MAF: variants seen among roughly 807,000 people sequenced by gnomAD.
The protein encoded by MAF is transcription factor Maf.
Under a neutral mutation model 22.0 loss-of-function variants are expected in MAF, and 10 were observed. That is an observed-to-expected ratio of 0.45 (90% CI 0.28 to 0.77). The LOEUF (loss-of-function observed/expected upper bound fraction) is 0.77, where lower values mean the gene tolerates loss of function less well. Ranked by LOEUF, MAF falls within the 30% of genes least tolerant of loss-of-function variation. The pLI is 0.12. For missense variants in MAF, 544 were observed against 548.4 expected, an observed-to-expected ratio of 0.99 and a Z score of 0.08; for synonymous variants, 337 against 255.8, an observed-to-expected ratio of 1.32 and a Z score of -3.03.
At chr16:79,365,418 G>A in the MAF span, among the ~76,000 whole-genome samples, 2 of 152,290 alleles carry the variant, frequency 1.3e-5, no homozygotes, top group Non-Finnish European at 2.9e-5. Context: ...GATGTTTACT[G>A]ATGAATTTCT....
chr16:79,411,561 G>A, the MAF span, among the ~76,000 whole-genome samples: 10 of 152,248 alleles, frequency 6.6e-5, no homozygotes, highest in African/African-American at 2.4e-4. Flanking sequence ...ATCTAAGTCT[G>A]GTGACTTTTG....
chr16:79,565,794 T>G, the MAF span, among the ~76,000 whole-genome samples: 1 of 152,216 alleles, frequency 6.6e-6, no homozygotes, highest in South Asian at 2.1e-4. Context: ...CTGATAAACT[T>G]AGCAGGCTCA....
At chr16:79,325,763 C>G in the MAF span, among the ~76,000 whole-genome samples, 1 of 152,202 alleles carries the variant, frequency 6.6e-6, no homozygotes, top group Non-Finnish European at 1.5e-5. Context: ...CAGTTCTTCA[C>G]TAGCTTTTGT....
At chr16:79,403,478 C>G in the MAF span, among the ~76,000 whole-genome samples, 1 of 152,154 alleles carries the variant, frequency 6.6e-6, no homozygotes, top group Non-Finnish European at 1.5e-5. Flanking sequence ...AGTGCCCGCC[C>G]CTCACTTCCC....
chr16:79,359,563 C>T, the MAF span, among the ~76,000 whole-genome samples: 6 of 152,166 alleles, frequency 3.9e-5, no homozygotes, highest in Non-Finnish European at 8.8e-5. Flanking sequence ...AAGCCAGCCC[C>T]AATTGCTGTT....
the MAF span, among the ~76,000 whole-genome samples, chr16:79,343,180 C>G: frequency 5.3e-5 from 8 of 152,074 alleles, no homozygotes; most frequent in Admixed American, 3.3e-4. Context: ...TAAATGTGTC[C>G]TGGTGCCACA....
At chr16:79,377,733 G>C in the MAF span, among the ~76,000 whole-genome samples, 3 of 152,138 alleles carry the variant, frequency 2.0e-5, no homozygotes, top group Non-Finnish European at 4.4e-5. Flanking sequence ...TCGAGTTTCA[G>C]CTTTCTACAT....
chr16:79,488,835 G>A, the MAF span, among the ~76,000 whole-genome samples: 101 of 152,218 alleles, frequency 6.6e-4, no homozygotes, highest in East Asian at 0.011. Flanking sequence ...TCCCTTGAAC[G>A]TCACCTCAAT....
At chr16:79,434,730 T>C in the MAF span, among the ~76,000 whole-genome samples, 5 of 152,084 alleles carry the variant, frequency 3.3e-5, no homozygotes, top group Non-Finnish European at 5.9e-5. Context: ...TTTTATTTCC[T>C]ATTAAAGATT....
At chr16:79,210,848 G>A in the MAF span, among the ~76,000 whole-genome samples, 1 of 152,166 alleles carries the variant, frequency 6.6e-6, no homozygotes, top group Non-Finnish European at 1.5e-5. Context: ...CTCAAAAGGT[G>A]AATGAAAGTG....
At chr16:79,555,350 G>C in the MAF span, among the ~76,000 whole-genome samples, 28 of 152,286 alleles carry the variant, frequency 1.8e-4, no homozygotes, top group Admixed American at 7.2e-4. Context: ...TGAAGTGTCA[G>C]GAATGCATTC....
the MAF span, among the ~76,000 whole-genome samples, chr16:79,435,501 T>C: frequency 1.3e-5 from 2 of 152,342 alleles, no homozygotes; most frequent in East Asian, 3.9e-4. Context: ...CAAGACTTCA[T>C]GTACATTCAG....
the MAF span, among the ~76,000 whole-genome samples, chr16:79,440,512 T>A: frequency 6.6e-6 from 1 of 152,332 alleles, no homozygotes; most frequent in Admixed American, 6.5e-5. Flanking sequence ...CTTGGCTCAT[T>A]ACAACCTCTG....
At chr16:79,431,289 G>A in the MAF span, among the ~76,000 whole-genome samples, 1 of 152,172 alleles carries the variant, frequency 6.6e-6, no homozygotes, top group Non-Finnish European at 1.5e-5. Context: ...TACTTAGGCT[G>A]CTGAGGACAG....
chr16:79,319,477 C>A, the MAF span, among the ~76,000 whole-genome samples: 2 of 152,266 alleles, frequency 1.3e-5, no homozygotes, highest in African/African-American at 4.8e-5. Flanking sequence ...GACCTTCAGT[C>A]CCCTTCCCCA....
the MAF span, among the ~76,000 whole-genome samples, chr16:79,462,303 T>C: frequency 6.6e-6 from 1 of 152,226 alleles, no homozygotes; most frequent in Admixed American, 6.5e-5. Flanking sequence ...GTGAGGAAAC[T>C]GAGGTCTAAC....
the MAF span, among the ~76,000 whole-genome samples, chr16:79,421,485 T>C: frequency 6.6e-6 from 1 of 152,226 alleles, no homozygotes; most frequent in Non-Finnish European, 1.5e-5. Context: ...TGTAGTCTTT[T>C]CAGACTGGCT....
the MAF span, among the ~76,000 whole-genome samples, chr16:79,493,694 A>T: frequency 6.6e-6 from 1 of 152,240 alleles, no homozygotes; most frequent in East Asian, 1.9e-4. Context: ...AAGAGTTGAT[A>T]AAAGGGTGGA....
the MAF span, among the ~76,000 whole-genome samples, chr16:79,278,150 C>T: frequency 2.0e-5 from 3 of 152,334 alleles, no homozygotes; most frequent in Admixed American, 2.0e-4. Context: ...ATTGAGTCGT[C>T]CAGGTACCTG....
Sources: allele counts gnomAD v4.1 joint callset (sites outside exome capture counted in the v4.1 genomes callset), GRCh38; gene constraint gnomAD v4.1.1; transcripts MANE v1.5; gene names NCBI Gene and HGNC (gene_info 2026-07-23, HGNC 2026-07-21).